CREB3L2: variants seen among roughly 807,000 people sequenced by gnomAD.
CREB3L2 encodes cyclic AMP-responsive element-binding protein 3-like protein 2.
CREB3L2 carries 23 observed loss-of-function variants against 57.2 expected under a neutral mutation model. The ratio of observed to expected loss-of-function variants is 0.40; its 90% CI spans 0.29 to 0.57. The LOEUF is 0.57. Among genes scored for constraint, CREB3L2 ranks in the 20% least tolerant of loss-of-function variants. The pLI, the probability that CREB3L2 is intolerant of heterozygous loss-of-function variation, is 0.42. For missense variants in CREB3L2, 628 were observed against 634.7 expected, an observed-to-expected ratio of 0.99 and a Z score of 0.11; for synonymous variants, 268 against 265.1, an observed-to-expected ratio of 1.01 and a Z score of -0.11.
intron 1 of CREB3L2, among the ~76,000 whole-genome samples, chr7:137,940,056 C>T (rs1800855209): frequency 6.6e-6 from 1 of 152,202 alleles, no homozygotes; most frequent in South Asian, 2.1e-4. Flanking sequence ...TGTCCCTTAT[C>T]CTTCAATTTG....
intron 1 of CREB3L2, among the ~76,000 whole-genome samples, chr7:137,944,448 G>C (rs28655992): frequency 1.3e-5 from 2 of 152,180 alleles, no homozygotes; most frequent in African/African-American, 4.8e-5. Flanking sequence ...AACCGACCAC[G>C]GAAAAAGTAA....
At chr7:137,951,192 G>A (rs1283727877) in intron 1 of CREB3L2, among the ~76,000 whole-genome samples, 3 of 152,150 alleles carry the variant, frequency 2.0e-5, no homozygotes, top group East Asian at 1.9e-4. Context: ...TGTTGGTGAC[G>A]TTGCTGTCTA....
At chr7:137,972,896 G>A (rs898962777) in intron 1 of CREB3L2, among the ~76,000 whole-genome samples, 11 of 151,012 alleles carry the variant, frequency 7.3e-5, no homozygotes, top group African/African-American at 2.7e-4. Context: ...TCAACCCAGG[G>A]AGCATTTTCA....
chr7:137,993,520 CATTT>C (rs1801936455), intron 1 of CREB3L2, among the ~76,000 whole-genome samples: 1 of 152,130 alleles, frequency 6.6e-6, no homozygotes. Flanking sequence ...TTTGTTTGCT[CATTT>C]ATTTATTTAT....
intron 5 of CREB3L2, among the ~76,000 whole-genome samples, chr7:137,907,197 G>A (rs1403425281): frequency 6.6e-6 from 1 of 152,214 alleles, no homozygotes; most frequent in Non-Finnish European, 1.5e-5. Context: ...AGGAGTTCTT[G>A]AAGCAGCGGA....
intron 1 of CREB3L2, chr7:137,955,431 G>A (rs1033261889): frequency 2.3e-5 from 14 of 597,080 alleles, no homozygotes; most frequent in African/African-American, 1.5e-4. Flanking sequence ...ATCCCCACAC[G>A]CCAAACTTAC....
At chr7:137,908,465 TC>T in intron 4 of CREB3L2, 29 bp from the exon 5 acceptor site, 1 of 1,249,254 alleles carries the variant, frequency 8.0e-7, no homozygotes, top group Non-Finnish European at 1.0e-6. Context: ...ATCTCATCCA[TC>T]CCAGAGCCAC....
At chr7:137,954,144 A>C (rs1256032730) in intron 1 of CREB3L2, among the ~76,000 whole-genome samples, 1 of 152,194 alleles carries the variant, frequency 6.6e-6, no homozygotes, top group Non-Finnish European at 1.5e-5. Flanking sequence ...TACAGGTTGT[A>C]CCTGTCCTGT....
intron 2 of CREB3L2, among the ~76,000 whole-genome samples, chr7:137,927,312 G>A (rs6950782): frequency 1.7e-4 from 23 of 138,920 alleles, no homozygotes; most frequent in African/African-American, 6.0e-4. Flanking sequence ...GAGGGGAAGG[G>A]AGGCAGGGAG....
At chr7:137,914,993 C>A (rs1021222939) in intron 3 of CREB3L2, among the ~76,000 whole-genome samples, 4 of 152,074 alleles carry the variant, frequency 2.6e-5, no homozygotes, top group African/African-American at 9.7e-5. Context: ...TCCCAAAGTG[C>A]TGGGATTATA....
At position 137,889,281 on chromosome 7, in the gene CREB3L2, A is replaced by G. The variant is rs28571026; in HGVS notation, c.1044-3779T>C. ...AAGAATATCTTAGGCTCAAATTGGAATCCCCCATTCCCCAGTCACAGGTGT... is the reference window on the plus strand; with the variant it reads ...AAGAATATCTTAGGCTCAAATTGGAGTCCCCCATTCCCCAGTCACAGGTGT... On this transcript the variant is annotated intron_variant, in intron 8 of 11. Coordinates refer to ENST00000330387, the MANE Select transcript of CREB3L2 (RefSeq NM_194071.4). Among the ~76,000 whole-genome samples, 521 of 152,244 alleles carry G rather than the reference A, an allele frequency of 3.4e-3. 4 individuals carry two copies. Among genetic ancestry groups the G allele is most frequent in the African/African-American group, 0.012 (479 of 41,534 alleles).
At position 137,964,043 on chromosome 7, in the gene CREB3L2, G is replaced by A. The variant is rs188425745; in HGVS notation, c.103-35677C>T. Among the ~76,000 whole-genome samples the A allele has an allele frequency of 1.2e-4, 18 of 152,312 alleles. No homozygotes were observed. The South Asian group carries it at 1.5e-3, about 12-fold the overall frequency. On this transcript the variant is annotated intron_variant, in intron 1 of 11. Transcript: ENST00000330387. ...TAAAGAAACACTTGCGGCCAGGCGC[G>A]GTGGCTCACGCCTGTAATCCCAGCA...
rs373568037 is a variant in CREB3L2 at position 137,944,986 on chromosome 7, G to A, written c.103-16620C>T. On this transcript the variant is annotated intron_variant, in intron 1 of 11. Coordinates refer to ENST00000330387, the MANE Select transcript of CREB3L2 (RefSeq NM_194071.4). The stretch of plus-strand genomic sequence containing the variant: ...CGACTCACTGCAACCTCTGTCTCTC[G>A]GGCTCAAGCGATTCTCCTGCCTCAG... Among the ~76,000 whole-genome samples, 230 of 152,048 alleles carry A rather than the reference G, an allele frequency of 1.5e-3. 4 individuals are homozygous for A. The South Asian group carries it at 0.046, about 30-fold the overall frequency.
In CREB3L2 at chr7:137,908,369, G is replaced by A; in HGVS notation, c.651C>T (p.Ser217=). The A allele has an allele frequency of 4.0e-6, 5 of 1,260,870 alleles. No individual in the cohort carries two copies. The highest frequency in any genetic ancestry group is 5.0e-6 in the Non-Finnish European group (5 of 994,506). 78.1% of individuals were successfully genotyped at this position (1,260,870 alleles called of 1,614,324 possible). A position where few individuals can be genotyped will look rare whatever the true frequency, so the allele number is the denominator to read the frequency against. The change falls in exon 5 of 12, where the codon AGC becomes AGT. Residue 217 remains serine, a synonymous_variant. Coordinates refer to ENST00000330387, the MANE Select transcript of CREB3L2 (RefSeq NM_194071.4). ...PSSHGSDSEG[S]LSPNPRLHPF... ...GGTGCAGGCGTGGGTTGGGACTCAG[G>A]CTGCCCTCTGAGTCACTGCCGTGAC...
At chr7:137,979,386 C>G (rs1348483170) in intron 1 of CREB3L2, among the ~76,000 whole-genome samples, 2 of 152,186 alleles carry the variant, frequency 1.3e-5, no homozygotes, top group Admixed American at 1.3e-4. Flanking sequence ...GCCAAGACAT[C>G]AAAAAGCACA....
At chr7:137,964,356 C>G (rs1343710709) in intron 1 of CREB3L2, among the ~76,000 whole-genome samples, 1 of 152,132 alleles carries the variant, frequency 6.6e-6, no homozygotes, top group Non-Finnish European at 1.5e-5. Flanking sequence ...AACAAACAAA[C>G]AAACCCTTGC....
chr7:137,943,203 C>T (rs1181960849), intron 1 of CREB3L2, among the ~76,000 whole-genome samples: 1 of 152,140 alleles, frequency 6.6e-6, no homozygotes, highest in Non-Finnish European at 1.5e-5. Flanking sequence ...CTCTGGTATT[C>T]TGAGACCAAC....
intron 1 of CREB3L2, among the ~76,000 whole-genome samples, chr7:137,975,751 T>C (rs1363416036): frequency 1.3e-5 from 2 of 152,162 alleles, no homozygotes; most frequent in East Asian, 3.9e-4. Flanking sequence ...AGTAAATAAA[T>C]TAATTAAACA....
Position 137,967,600 on chromosome 7 carries a change from G to A in CREB3L2, c.102+34004C>T, listed in dbSNP as rs143559123. Among the ~76,000 whole-genome samples, 406 of 152,234 alleles carry A rather than the reference G, an allele frequency of 2.7e-3. 1 individual carries two copies. Among genetic ancestry groups the A allele is most frequent in the African/African-American group, 8.9e-3 (371 of 41,530 alleles). On this transcript the variant is annotated intron_variant, in intron 1 of 11. Transcript: ENST00000330387. ...CTCAGCCGCAAGTGCCCTTGCTATT[G>A]ATTTGAACCTGATCAGACAGTTTGG... is the stretch of plus-strand genomic sequence containing the variant.
Sources: allele counts gnomAD v4.1 joint callset (sites outside exome capture counted in the v4.1 genomes callset), GRCh38; gene constraint gnomAD v4.1.1; transcripts MANE v1.5; gene names NCBI Gene and HGNC (gene_info 2026-07-23, HGNC 2026-07-21).